USO1: variants seen among roughly 807,000 people sequenced by gnomAD.
USO1 encodes the protein USO1 vesicle transport factor, also known as general vesicular transport factor p115.
USO1 carries 57 observed loss-of-function variants against 124.5 expected under a neutral mutation model. That is an observed-to-expected ratio of 0.46 (90% CI 0.37 to 0.57). The LOEUF (loss-of-function observed/expected upper bound fraction) is 0.57. Among genes scored for constraint, USO1 ranks in the 20% least tolerant of loss-of-function variants. The probability of loss-of-function intolerance (pLI) is 0.00; values close to 1 mark genes in which losing one functional copy is unlikely to be tolerated. For missense variants in USO1, 900 were observed against 1,040.6 expected, an observed-to-expected ratio of 0.86 and a Z score of 1.86; for synonymous variants, 369 against 362.8, an observed-to-expected ratio of 1.02 and a Z score of -0.19.
intron 4 of USO1, among the ~76,000 whole-genome samples, chr4:75,761,196 C>T (rs1721595661): frequency 6.6e-6 from 1 of 152,080 alleles, no homozygotes; most frequent in African/African-American, 2.4e-5. Flanking sequence ...TCTGGTAGGA[C>T]AATTTATTCA....
intron 3 of USO1, among the ~76,000 whole-genome samples, chr4:75,756,027 G>A (rs866137677): frequency 1.3e-5 from 2 of 151,882 alleles, no homozygotes; most frequent in African/African-American, 4.8e-5. Flanking sequence ...AAAATTAGCC[G>A]GGAGTGGTGG....
intron 18 of USO1, 133 bp from the exon 19 acceptor site, chr4:75,805,007 A>G: frequency 1.6e-6 from 2 of 1,233,132 alleles, no homozygotes; most frequent in Non-Finnish European, 2.2e-6. Context: ...ACCATTCTGC[A>G]AAGATGAAAT....
intron 1 of USO1, among the ~76,000 whole-genome samples, chr4:75,745,535 T>C (rs1268176954): frequency 6.6e-6 from 1 of 152,186 alleles, no homozygotes; most frequent in African/African-American, 2.4e-5. Context: ...TAGACTCTGC[T>C]CCCAAACTGG....
Position 75,813,534 on chromosome 4 carries a change from A to G in USO1, c.*239A>G. On this transcript the variant is annotated 3_prime_UTR_variant, in exon 24 of 24. Coordinates refer to ENST00000514213, the MANE Select transcript of USO1 (RefSeq NM_003715.4). ...GAACTGTCCCAAAATGTAATTTGCA[A>G]AGAGCTTCAAACACCAAAAATATAC... 1 of 316,050 alleles carries G rather than the reference A, an allele frequency of 3.2e-6. No homozygotes were observed. The highest frequency in any genetic ancestry group is 5.6e-5 in the East Asian group (1 of 17,788). 19.6% of individuals were successfully genotyped at this position (316,050 alleles called of 1,614,324 possible). A position where few individuals can be genotyped will look rare whatever the true frequency, so the allele number is the denominator to read the frequency against.
At chr4:75,808,875 T>A (rs894233290) in intron 20 of USO1, 78 bp from the exon 21 acceptor site, 7 of 1,448,488 alleles carry the variant, frequency 4.8e-6, no homozygotes, top group Non-Finnish European at 6.4e-6. Flanking sequence ...ATCATTTTTT[T>A]AAATGTCTCC....
Position 75,800,424 on chromosome 4 carries a change from G to A in USO1, c.1637G>A (p.Gly546Asp). The A allele has an allele frequency of 1.3e-6, 2 of 1,595,354 alleles. No homozygotes were observed. The highest frequency in any genetic ancestry group is 1.8e-5 in the Admixed American group (1 of 56,954). ...CAAGGCTTATGTGCCCTTTTGTTGG[G>A]CATTTCGATTTATTTCAATGATAAC... ...LVQGLCALLL[G>D]ISIYFNDNSL... The change falls in exon 15 of 24, where the codon GGC (glycine) becomes GAC (aspartate). Residue 546 changes from glycine to aspartate, a missense_variant. Around this residue, in one of 2 missense-constraint regions of USO1, gnomAD observed 538 missense variants for 681.6 expected, o/e 0.79. Coordinates refer to ENST00000514213, the MANE Select transcript of USO1 (RefSeq NM_003715.4).
intron 19 of USO1, among the ~76,000 whole-genome samples, chr4:75,805,841 G>A (rs1722982754): frequency 6.6e-6 from 1 of 152,014 alleles, no homozygotes; most frequent in African/African-American, 2.4e-5. Context: ...CTATAAAATG[G>A]TAGTGGTAAT....
chr4:75,777,413 G>A (rs574392358), intron 8 of USO1, among the ~76,000 whole-genome samples: 6 of 152,266 alleles, frequency 3.9e-5, no homozygotes, highest in Admixed American at 3.9e-4. Flanking sequence ...ATACTTCACA[G>A]ATGAGAAGAA....
chr4:75,801,647 T>C (rs1224079477), intron 17 of USO1, among the ~76,000 whole-genome samples: 1 of 152,180 alleles, frequency 6.6e-6, no homozygotes, highest in Non-Finnish European at 1.5e-5. Context: ...AAAAATACAA[T>C]AGTGGCAGAC....
At chr4:75,812,038 A>T in intron 22 of USO1, 122 bp from the exon 23 acceptor site, 4 of 1,410,352 alleles carry the variant, frequency 2.8e-6, no homozygotes, top group Non-Finnish European at 3.8e-6. Flanking sequence ...CTTAACCTCC[A>T]CCCCTAAATT....
At chr4:75,762,239 C>T (rs1234258237) in intron 4 of USO1, among the ~76,000 whole-genome samples, 1 of 137,320 alleles carries the variant, frequency 7.3e-6, no homozygotes, top group Non-Finnish European at 1.5e-5. Context: ...GGCACAGTCT[C>T]GGCTCACTGC....
intron 4 of USO1, 26 bp downstream of exon 4, chr4:75,757,599 G>T (rs756736919): frequency 1.7e-5 from 25 of 1,444,860 alleles, no homozygotes; most frequent in Non-Finnish European, 2.2e-5. Flanking sequence ...TTTTTACTGT[G>T]TTTTCTGTAC....
chr4:75,758,997 A>G (rs948303043), intron 4 of USO1, among the ~76,000 whole-genome samples: 1 of 151,978 alleles, frequency 6.6e-6, no homozygotes, highest in Non-Finnish European at 1.5e-5. Flanking sequence ...CTTTCCTTTT[A>G]TCCCCCTTAG....
Position 75,805,147 on chromosome 4 carries a change from C to G in USO1, c.2133C>G (p.Asp711Glu), listed in dbSNP as rs750514766. Residue 711 changes from aspartate (D) to glutamate (E), a missense_variant, in exon 19 of 24, where the codon GAC (aspartate) becomes GAG (glutamate). Asp to Glu is a conservative substitution (Grantham distance 45). Around this residue, in one of 2 missense-constraint regions of USO1, gnomAD observed 362 missense variants for 359.0 expected, o/e 1.01. Transcript: ENST00000514213. ...YNLLKIQLGK[D>E]NQHQGSYSEG... ...GTTATGTCTGTCTAACAGGAAAAGA[C>G]AATCAGCATCAAGGTTCTTACAGTG... The G allele has an allele frequency of 1.3e-6, 2 of 1,577,708 alleles. No individual in the cohort carries two copies. Among genetic ancestry groups the G allele is most frequent in the Non-Finnish European group, 1.7e-6 (2 of 1,167,056 alleles).
intron 9 of USO1, among the ~76,000 whole-genome samples, chr4:75,785,929 G>A (rs1722349582): frequency 6.6e-6 from 1 of 152,154 alleles, no homozygotes; most frequent in Non-Finnish European, 1.5e-5. Context: ...CACTAGAAAA[G>A]TCCAAGGACA....
chr4:75,808,535 T>C (rs1352487446), intron 20 of USO1, among the ~76,000 whole-genome samples: 1 of 152,198 alleles, frequency 6.6e-6, no homozygotes, highest in Admixed American at 6.5e-5. Flanking sequence ...GTAAGTCAGG[T>C]ACTATCTTAA....
chr4:75,771,110 G>A lies in USO1; in HGVS notation c.528G>A (p.Ala176=), dbSNP rs755649204. The A allele has an allele frequency of 2.9e-5, 47 of 1,611,080 alleles. No individual in the cohort carries two copies. Among genetic ancestry groups the A allele is most frequent in the African/African-American group, 5.4e-5 (4 of 74,698 alleles). Residue 176 remains alanine, a synonymous_variant, in exon 7 of 24, where the codon GCG becomes GCA. Transcript: ENST00000514213. ...MGVSRLMDLL[A]DSREVIRNDG... is the part of the protein sequence containing the mutation. ...TTTCAAGATTGATGGACTTACTAGC[G>A]GATTCCAGGGAAGTTATACGTAATG...
intron 13 of USO1, among the ~76,000 whole-genome samples, chr4:75,797,637 A>G (rs1396543913): frequency 1.4e-5 from 2 of 139,690 alleles, no homozygotes; most frequent in African/African-American, 2.6e-5. Flanking sequence ...TTTTTAATTT[A>G]TTTTACAATT....
intron 19 of USO1, among the ~76,000 whole-genome samples, chr4:75,805,656 G>A (rs939885963): frequency 4.6e-5 from 7 of 150,838 alleles, no homozygotes; most frequent in African/African-American, 7.3e-5. Flanking sequence ...GCAGTGAGCC[G>A]AGATCACCCC....
Sources: gnomAD v4.1 joint callset for allele counts (sites outside exome capture counted in the v4.1 genomes callset) on GRCh38, gnomAD v4.1.1 for gene constraint, gnomAD v4.1.1 regional missense constraint, MANE v1.5 for transcripts, NCBI Gene and HGNC (gene_info 2026-07-23, HGNC 2026-07-21) for gene names.